Variants in ADARB2 observed in about 807,000 individuals in gnomAD.
The protein encoded by ADARB2 is inactive double-stranded RNA-specific editase B2.
ADARB2 carries 25 observed loss-of-function variants against 62.2 expected under a neutral mutation model. That is an observed-to-expected ratio of 0.40 (90% confidence interval 0.29 to 0.56). The LOEUF (loss-of-function observed/expected upper bound fraction) is 0.56, where lower values mean the gene tolerates loss of function less well. Ranked by LOEUF, ADARB2 falls within the 20% of genes least tolerant of loss-of-function variation. The probability of loss-of-function intolerance (pLI) is 0.43; values close to 1 mark genes in which losing one functional copy is unlikely to be tolerated. For synonymous variants in ADARB2, 572 were observed against 500.8 expected (o/e 1.14, Z -1.90); for missense variants, 1,071 against 1,077.4 (o/e 0.99, Z 0.08).
At chr10:1,432,477 C>A (rs1830786562) in intron 1 of ADARB2, among the ~76,000 whole-genome samples, 1 of 151,212 alleles carries the variant, frequency 6.6e-6, no homozygotes, top group African/African-American at 2.4e-5. Context: ...GAAGTCTCAG[C>A]CCGTGACTGT....
intron 1 of ADARB2, among the ~76,000 whole-genome samples, chr10:1,548,669 G>A (rs751846508): frequency 6.6e-6 from 1 of 152,188 alleles, no homozygotes; most frequent in Non-Finnish European, 1.5e-5. Flanking sequence ...TAAGTGTAGG[G>A]GGAGTAAAGA....
At chr10:1,617,150 C>G (rs1833648862) in intron 1 of ADARB2, among the ~76,000 whole-genome samples, 1 of 144,908 alleles carries the variant, frequency 6.9e-6, no homozygotes, top group African/African-American at 2.6e-5. Context: ...CTGAGCTCTG[C>G]ATCCTGGGAA....
intron 1 of ADARB2, among the ~76,000 whole-genome samples, chr10:1,422,674 T>C (rs1184861429): frequency 6.6e-6 from 1 of 152,194 alleles, no homozygotes; most frequent in Non-Finnish European, 1.5e-5. Context: ...GCCTCAGTTA[T>C]TTGGGTAAGG....
At chr10:1,424,641 G>A (rs111497502) in intron 1 of ADARB2, among the ~76,000 whole-genome samples, 5 of 151,492 alleles carry the variant, frequency 3.3e-5, no homozygotes, top group African/African-American at 9.7e-5. Flanking sequence ...TGCATCAGGA[G>A]TTTGCAAAAA....
chr10:1,482,013 T>A (rs113307233), intron 1 of ADARB2, among the ~76,000 whole-genome samples: 35 of 152,244 alleles, frequency 2.3e-4, no homozygotes, highest in African/African-American at 8.4e-4. Flanking sequence ...TGACAAATTA[T>A]TAGAGAAATA....
At chr10:1,640,935 C>CA (rs1470209042) in intron 1 of ADARB2, among the ~76,000 whole-genome samples, 6 of 152,264 alleles carry the variant, frequency 3.9e-5, no homozygotes, top group African/African-American at 1.4e-4. Flanking sequence ...CCTGTGGTCT[C>CA]ACTTGGCTAC....
chr10:1,385,136 G>A (rs137900736), intron 1 of ADARB2, among the ~76,000 whole-genome samples: 38 of 152,120 alleles, frequency 2.5e-4, no homozygotes, highest in African/African-American at 8.7e-4. Flanking sequence ...AACTACCCTT[G>A]GTCAGTAATA....
chr10:1,321,786 A>G (rs1377648104), intron 3 of ADARB2, among the ~76,000 whole-genome samples: 1 of 152,194 alleles, frequency 6.6e-6, no homozygotes, highest in Non-Finnish European at 1.5e-5. Context: ...TGAAAATGGC[A>G]TGGGTTGGTA....
chr10:1,234,325 T>C (rs1413362462), intron 5 of ADARB2, among the ~76,000 whole-genome samples: 4 of 152,080 alleles, frequency 2.6e-5, no homozygotes, highest in African/African-American at 4.8e-5. Context: ...ATAGTGTGTC[T>C]TTCCCCTGTA....
In ADARB2 at chr10:1,672,429, C is replaced by A. The variant is rs536214614; in HGVS notation, c.100+64622G>T. On this transcript the variant is annotated intron_variant, in intron 1 of 9. Coordinates refer to ENST00000381312, the MANE Select transcript of ADARB2 (RefSeq NM_018702.4). ...CTGCGGTTGAACTACAGACATACAC[C>A]CAAGCGGGCATACTGAGAAGGAAAA... 9.2e-5 allele frequency among the ~76,000 whole-genome samples: 14 copies of A among 152,256 alleles called. No individual in the cohort carries two copies. In the East Asian group the frequency reaches 2.5e-3, roughly 27 times the overall value.
chr10:1,297,717 G>A (rs538277037), intron 3 of ADARB2, among the ~76,000 whole-genome samples: 8 of 152,170 alleles, frequency 5.3e-5, no homozygotes, highest in African/African-American at 1.2e-4. Flanking sequence ...GCCTGTGTGC[G>A]CTCCTGCCAC....
chr10:1,453,803 G>A (rs1322041900), intron 1 of ADARB2, among the ~76,000 whole-genome samples: 5 of 152,148 alleles, frequency 3.3e-5, no homozygotes, highest in African/African-American at 7.2e-5. Context: ...GCGAGTTACC[G>A]CCTCATACCC....
intron 1 of ADARB2, among the ~76,000 whole-genome samples, chr10:1,667,728 C>T (rs1337630753): frequency 1.3e-5 from 2 of 152,132 alleles, no homozygotes; most frequent in Non-Finnish European, 2.9e-5. Context: ...CTCAATTGTC[C>T]TAAAAAGCCA....
At chr10:1,343,813 C>T (rs967253367) in intron 3 of ADARB2, among the ~76,000 whole-genome samples, 4 of 152,030 alleles carry the variant, frequency 2.6e-5, no homozygotes, top group Admixed American at 2.0e-4. Flanking sequence ...TATGTGGGAG[C>T]GAAACACTGG....
chr10:1,556,665 C>T (rs558952791), intron 1 of ADARB2: 48 of 534,094 alleles, frequency 9.0e-5, no homozygotes, highest in African/African-American at 3.7e-4. Flanking sequence ...CCAAGTACCC[C>T]GGCTGCAACC....
At chr10:1,445,283 C>G (rs1285369383) in intron 1 of ADARB2, among the ~76,000 whole-genome samples, 1 of 152,058 alleles carries the variant, frequency 6.6e-6, no homozygotes, top group Non-Finnish European at 1.5e-5. Flanking sequence ...TCCACCCACC[C>G]ACCCATCTAT....
chr10:1,228,527 C>A (rs79861280), intron 6 of ADARB2, among the ~76,000 whole-genome samples: 2,678 of 152,332 alleles, frequency 0.018, 34 homozygotes, highest in Middle Eastern at 0.048. Context: ...AACATAGACA[C>A]ACACAGCATG....
At chr10:1,385,331 G>A (rs1049106156) in intron 1 of ADARB2, among the ~76,000 whole-genome samples, 1 of 152,146 alleles carries the variant, frequency 6.6e-6, no homozygotes, top group African/African-American at 2.4e-5. Flanking sequence ...ATCTAATGAT[G>A]CTGAAATTAG....
intron 1 of ADARB2, among the ~76,000 whole-genome samples, chr10:1,496,373 A>T (rs1831691822): frequency 6.6e-6 from 1 of 151,928 alleles, no homozygotes; most frequent in Non-Finnish European, 1.5e-5. Flanking sequence ...CACCACCATC[A>T]TCGTCATCAT....
Sources: allele counts gnomAD v4.1 joint callset (sites outside exome capture counted in the v4.1 genomes callset), GRCh38; gene constraint gnomAD v4.1.1; transcripts MANE v1.5; gene names NCBI Gene and HGNC (gene_info 2026-07-23, HGNC 2026-07-21).